Variants in WWOX observed in about 807,000 individuals in gnomAD.
WWOX encodes the protein WW domain-containing oxidoreductase.
WWOX carries 69 observed loss-of-function variants against 46.2 expected under a neutral mutation model. The ratio of observed to expected loss-of-function variants is 1.49; its 90% CI spans 1.23 to 1.82. WWOX has a LOEUF of 1.82. Ranked by LOEUF, WWOX falls within the 40% of genes most tolerant of loss-of-function variation. The pLI is 0.00. For synonymous variants in WWOX, 359 were observed against 202.6 expected (o/e 1.77, Z -6.56); for missense variants, 919 against 542.6 (o/e 1.69, Z -6.89).
At chr16:78,386,593 C>A (rs1448865294) in intron 5 of WWOX, among the ~76,000 whole-genome samples, 1 of 152,106 alleles carries the variant, frequency 6.6e-6, no homozygotes, top group East Asian at 1.9e-4. Context: ...TTTGCAGCCT[C>A]TTTTGCGCGG....
At chr16:79,130,562 T>A (rs2049856165) in intron 8 of WWOX, among the ~76,000 whole-genome samples, 1 of 152,144 alleles carries the variant, frequency 6.6e-6, no homozygotes, top group Non-Finnish European at 1.5e-5. Context: ...CACATCCTGG[T>A]AATCTTACAT....
At chr16:78,649,772 C>CTTAGGAAATA in intron 8 of WWOX, among the ~76,000 whole-genome samples, 1 of 152,184 alleles carries the variant, frequency 6.6e-6, no homozygotes, top group Non-Finnish European at 1.5e-5. Context: ...TCTCATTTAA[C>CTTAGGAAATA]CCTTAGGAAA....
intron 5 of WWOX, among the ~76,000 whole-genome samples, chr16:78,251,278 A>G (rs188722044): frequency 1.5e-3 from 223 of 152,258 alleles, no homozygotes; most frequent in African/African-American, 5.1e-3. Context: ...TCATCACAGT[A>G]TGTTCTTATA....
rs368514719 is a variant in WWOX at position 79,051,050 on chromosome 16, A to T, written c.1057-160558A>T. ...TAACGCTTATAGCAGGATTATTCCCAAGGAAGCTGTAGCCATTATATTTGC... is the reference window on the plus strand; with the variant it reads ...TAACGCTTATAGCAGGATTATTCCCTAGGAAGCTGTAGCCATTATATTTGC... On this transcript the variant is annotated intron_variant, in intron 8 of 8. Coordinates refer to ENST00000566780, the MANE Select transcript of WWOX (RefSeq NM_016373.4). Among the ~76,000 whole-genome samples, 30 of 152,348 alleles carry T rather than the reference A, an allele frequency of 2.0e-4. No individual in the cohort carries two copies. The East Asian group carries it at 5.2e-3, about 26-fold the overall frequency.
intron 5 of WWOX, among the ~76,000 whole-genome samples, chr16:78,315,451 C>G (rs1054776707): frequency 6.6e-6 from 1 of 151,968 alleles, no homozygotes; most frequent in Non-Finnish European, 1.5e-5. Flanking sequence ...GAGTTCGAGA[C>G]CAGCCCGGCC....
chr16:78,917,736 G>A (rs2045285579), intron 8 of WWOX, among the ~76,000 whole-genome samples: 1 of 151,916 alleles, frequency 6.6e-6, no homozygotes, highest in Non-Finnish European at 1.5e-5. Context: ...AGTGCCTCCA[G>A]AACCAAACAC....
At position 78,200,186 on chromosome 16, in the gene WWOX, G is replaced by A. The variant is rs367655128; in HGVS notation, c.516+35897G>A. 5.3e-5 allele frequency among the ~76,000 whole-genome samples: 8 copies of A among 152,206 alleles called. No individual in the cohort carries two copies. In the South Asian group the frequency reaches 1.5e-3, roughly 28 times the overall value. On this transcript the variant is annotated intron_variant, in intron 5 of 8. Coordinates refer to ENST00000566780, the MANE Select transcript of WWOX (RefSeq NM_016373.4). ...GAAGGAGCAATGTTTGCTGACTGTT[G>A]CCTCAGCCGCTGACCCTGATCTCCT...
At chr16:79,147,248 C>T (rs1303450985) in intron 8 of WWOX, among the ~76,000 whole-genome samples, 2 of 152,218 alleles carry the variant, frequency 1.3e-5, no homozygotes, top group Non-Finnish European at 2.9e-5. Context: ...ACCCACCTTC[C>T]TTCTGCGCCT....
chr16:78,650,761 A>C (rs1040557084), intron 8 of WWOX, among the ~76,000 whole-genome samples: 1 of 152,224 alleles, frequency 6.6e-6, no homozygotes, highest in Non-Finnish European at 1.5e-5. Flanking sequence ...ATGGGTTTCC[A>C]TGCCATGTCT....
chr16:78,901,407 G>A (rs186582515), intron 8 of WWOX, among the ~76,000 whole-genome samples: 1 of 152,176 alleles, frequency 6.6e-6, no homozygotes, highest in African/African-American at 2.4e-5. Context: ...TTTTTTTCCT[G>A]TTCTTTTCCC....
chr16:78,763,599 G>T (rs1440893455), intron 8 of WWOX, among the ~76,000 whole-genome samples: 3 of 152,308 alleles, frequency 2.0e-5, no homozygotes, highest in South Asian at 4.1e-4. Context: ...CTGCCGAGTT[G>T]CTGTCATTGA....
chr16:78,174,808 T>C (rs943211057), intron 5 of WWOX, among the ~76,000 whole-genome samples: 6 of 151,912 alleles, frequency 3.9e-5, no homozygotes, highest in Non-Finnish European at 8.8e-5. Context: ...GGCAATACGG[T>C]GAAACCCCGT....
intron 8 of WWOX, among the ~76,000 whole-genome samples, chr16:78,643,666 C>T (rs1384381729): frequency 2.0e-5 from 3 of 152,030 alleles, no homozygotes; most frequent in African/African-American, 2.4e-5. Flanking sequence ...CTAATAATGG[C>T]CCCGTTGTAA....
chr16:78,332,257 T>TCTA lies in WWOX; in HGVS notation c.517-54599_517-54597dup, dbSNP rs1423734168. 3.3e-5 allele frequency among the ~76,000 whole-genome samples: 5 copies of TCTA among 152,296 alleles called. No individual in the cohort carries two copies. In the East Asian group the frequency reaches 7.7e-4, roughly 24 times the overall value. On this transcript the variant is annotated intron_variant, in intron 5 of 8. Coordinates refer to ENST00000566780, the MANE Select transcript of WWOX (RefSeq NM_016373.4). Reference sequence around the variant, plus strand: ...GACAGAATCCCAGATCCCAGATGGATCTACTATTTTAGAATCTCTGCTTCC... The same window carrying TCTA: ...GACAGAATCCCAGATCCCAGATGGATCTACTACTATTTTAGAATCTCTGCTTCC...
chr16:78,724,822 C>T (rs1033975156), intron 8 of WWOX, among the ~76,000 whole-genome samples: 1 of 152,120 alleles, frequency 6.6e-6, no homozygotes, highest in African/African-American at 2.4e-5. Context: ...TGTAGTTTTT[C>T]AGACATATCT....
chr16:78,140,938 T>C (rs1328539924), intron 4 of WWOX, among the ~76,000 whole-genome samples: 1 of 152,220 alleles, frequency 6.6e-6, no homozygotes, highest in Non-Finnish European at 1.5e-5. Context: ...AGGTATTTCC[T>C]GAGGGTCTAG....
chr16:78,315,457 C>T (rs893013388), intron 5 of WWOX, among the ~76,000 whole-genome samples: 106 of 151,852 alleles, frequency 7.0e-4, no homozygotes, highest in African/African-American at 2.4e-3. Flanking sequence ...GAGACCAGCC[C>T]GGCCAACATG....
At chr16:78,148,005 C>A (rs1226253108) in intron 4 of WWOX, among the ~76,000 whole-genome samples, 2 of 151,676 alleles carry the variant, frequency 1.3e-5, no homozygotes, top group Non-Finnish European at 1.5e-5. Context: ...CATAAAGAAC[C>A]CTGTCTCGAG....
chr16:78,515,935 A>C (rs1266172783), intron 8 of WWOX, among the ~76,000 whole-genome samples: 1 of 152,050 alleles, frequency 6.6e-6, no homozygotes, highest in East Asian at 1.9e-4. Flanking sequence ...GTTAGGTTTC[A>C]TTTGTCTCTC....
Sources: allele counts gnomAD v4.1 joint callset (sites outside exome capture counted in the v4.1 genomes callset), GRCh38; gene constraint gnomAD v4.1.1; transcripts MANE v1.5; gene names NCBI Gene and HGNC (gene_info 2026-07-23, HGNC 2026-07-21).